ZNF729: variants seen among roughly 807,000 people sequenced by gnomAD.
The protein encoded by ZNF729 is zinc finger protein 729.
A neutral mutation model predicts 12.2 loss-of-function variants in ZNF729; 15 were observed. The observed-to-expected ratio is 1.23, with a 90% CI of 0.82 to 1.89. The LOEUF (loss-of-function observed/expected upper bound fraction) is 1.89. ZNF729 is among the 40% of genes most tolerant of loss of function. ZNF729 has a pLI of 0.00. For synonymous variants in ZNF729, 492 were observed against 476.3 expected, an observed-to-expected ratio of 1.03 and a Z score of -0.43; for missense variants, 1,540 against 1,456.7, an observed-to-expected ratio of 1.06 and a Z score of -0.93.
chr19:22,308,050 T>G (rs1409543215), intron 3 of ZNF729, among the ~76,000 whole-genome samples: 1 of 152,056 alleles, frequency 6.6e-6, no homozygotes, highest in Non-Finnish European at 1.5e-5. Flanking sequence ...CAAAGTCCAC[T>G]GTATCATTCT....
intron 1 of ZNF729, among the ~76,000 whole-genome samples, chr19:22,289,312 A>G (rs547842779): frequency 0.012 from 1,843 of 149,104 alleles, 19 homozygotes; most frequent in Middle Eastern, 0.038. Flanking sequence ...TGCAACCTCC[A>G]TCTCCCAGGT....
intron 1 of ZNF729, among the ~76,000 whole-genome samples, chr19:22,298,688 A>G (rs532129852): frequency 6.6e-6 from 1 of 151,938 alleles, no homozygotes; most frequent in Admixed American, 6.6e-5. Flanking sequence ...TAATTTTTGT[A>G]TTTTTAGTAG....
Position 22,315,824 on chromosome 19 carries a change from A to G in ZNF729, c.2407A>G (p.Lys803Glu). The G allele has an allele frequency of 6.2e-7, 1 of 1,611,092 alleles. No homozygotes were observed. The highest frequency in any genetic ancestry group is 8.5e-7 in the Non-Finnish European group (1 of 1,179,696). The change falls in exon 4 of 4, where the codon AAA becomes GAA. Residue 803 changes from lysine (K) to glutamate (E), a missense_variant. Transcript: ENST00000601693. ...ACCCTACAAGTGTGAAGAATGTGGT[A>G]AAGCTTTTAAGTGGTCCTCAAAGCT... The part of the protein sequence containing the change: ...EKPYKCEECG[K>E]AFKWSSKLTV...
At chr19:22,295,547 C>T (rs1968219734) in intron 1 of ZNF729, among the ~76,000 whole-genome samples, 1 of 152,052 alleles carries the variant, frequency 6.6e-6, no homozygotes, top group Non-Finnish European at 1.5e-5. Flanking sequence ...ACTACAGGCG[C>T]GCACCACTAC....
Position 22,315,593 on chromosome 19 carries a change from A to G in ZNF729, c.2176A>G (p.Lys726Glu), listed in dbSNP as rs1434012730. Reference sequence around the variant, plus strand: ...TGGTAAAGCTTTTAAGTGGTCATCAAAACTTACTGTACATAAGGTAATTCA... The same window carrying G: ...TGGTAAAGCTTTTAAGTGGTCATCAGAACTTACTGTACATAAGGTAATTCA... ...ECGKAFKWSS[K>E]LTVHKVIHTA... The change falls in exon 4 of 4, where the codon AAA becomes GAA. Residue 726 changes from lysine (K) to glutamate (E), a missense_variant. Lys to Glu is a moderately conservative substitution (Grantham distance 56). Transcript: ENST00000601693. 1.2e-6 allele frequency: 2 copies of G among 1,608,908 alleles called. No homozygotes were observed. The highest frequency in any genetic ancestry group is 1.7e-5 in the Admixed American group (1 of 59,860).
At chr19:22,302,824 T>C in intron 1 of ZNF729, among the ~76,000 whole-genome samples, 1 of 127,544 alleles carries the variant, frequency 7.8e-6, no homozygotes, top group Admixed American at 8.0e-5. Flanking sequence ...GAATCCTGCT[T>C]CATTTCTAGA....
chr19:22,316,579 T>G lies in ZNF729; in HGVS notation c.3162T>G (p.Gly1054=), dbSNP rs768366744. Residue 1054 remains glycine, a synonymous_variant, in exon 4 of 4, where the codon GGT becomes GGG. Coordinates refer to ENST00000601693, the MANE Select transcript of ZNF729 (RefSeq NM_001242680.2). ...GEKPYKCEEC[G]KAFKWSSKLT... is the part of the protein sequence containing the mutation. ...AACCCTACAAATGTGAAGAATGTGG[T>G]AAAGCTTTTAAGTGGTCCTCAAAAC... The G allele has an allele frequency of 3.7e-6, 6 of 1,607,066 alleles. No homozygotes were observed. Among genetic ancestry groups the G allele is most frequent in the Admixed American group, 1.7e-5 (1 of 59,480 alleles).
chr19:22,287,487 G>T (rs1268187077), intron 1 of ZNF729, among the ~76,000 whole-genome samples: 2 of 151,904 alleles, frequency 1.3e-5, no homozygotes, highest in Non-Finnish European at 2.9e-5. Context: ...GGCTGGTCTC[G>T]AACTCCCGAC....
chr19:22,293,694 A>T (rs1328408763), intron 1 of ZNF729, among the ~76,000 whole-genome samples: 23 of 136,348 alleles, frequency 1.7e-4, no homozygotes, highest in East Asian at 1.4e-3. Context: ...GGGTTTCATC[A>T]TGTTGGCCAG....
chr19:22,293,378 GT>G (rs968426902), intron 1 of ZNF729, among the ~76,000 whole-genome samples: 8 of 151,768 alleles, frequency 5.3e-5, no homozygotes, highest in African/African-American at 1.9e-4. Context: ...TAGAGACAAG[GT>G]TTAACCTTGT....
In ZNF729 at chr19:22,316,955, A is replaced by G. The variant is rs1163666360; in HGVS notation, c.3538A>G (p.Thr1180Ala). The change falls in exon 4 of 4, where the codon ACA becomes GCA. Residue 1180 changes from threonine (T) to alanine (A), a missense_variant. Physicochemically the swap from Thr to Ala is moderately conservative, Grantham distance 58. Transcript: ENST00000601693. ...NQSSHLTRHK[T>A]IHTGEKPYKC... ...GTCCTCACACCTTACTAGACACAAA[A>G]CAATTCATACTGGAGAGAAACCCTA... The G allele has an allele frequency of 1.2e-6, 2 of 1,611,918 alleles. No individual in the cohort carries two copies. The highest frequency in any genetic ancestry group is 2.2e-5 in the East Asian group (1 of 44,690).
At position 22,313,804 on chromosome 19, in the gene ZNF729, C is replaced by A; in HGVS notation, c.387C>A (p.Ala129=). 6.3e-7 allele frequency: 1 copy of A among 1,596,410 alleles called. No homozygotes were observed. The highest frequency in any genetic ancestry group is 8.5e-7 in the Non-Finnish European group (1 of 1,172,866). The change falls in exon 4 of 4, where the codon GCC becomes GCA. Residue 129 remains alanine, a synonymous_variant. Transcript: ENST00000601693. The part of the protein sequence containing the change: ...NLRLRKDCKS[A]NEGKMHKEGY... ...GATTAAGAAAAGATTGTAAAAGTGC[C>A]AATGAGGGTAAGATGCACAAAGAAG...
chr19:22,305,219 TGAGACAC>T (rs1968363958), intron 3 of ZNF729, among the ~76,000 whole-genome samples: 1 of 152,162 alleles, frequency 6.6e-6, no homozygotes, highest in Non-Finnish European at 1.5e-5. Context: ...CTTCCTGACC[TGAGACAC>T]TCACCAGAAA....
chr19:22,296,208 C>G (rs1441261959), intron 1 of ZNF729, among the ~76,000 whole-genome samples: 1 of 152,138 alleles, frequency 6.6e-6, no homozygotes, highest in South Asian at 2.1e-4. Context: ...GGTTCAGGCC[C>G]TTCGTTTTAC....
chr19:22,314,519 A>G lies in ZNF729; in HGVS notation c.1102A>G (p.Ile368Val). 2 of 1,611,112 alleles carry G rather than the reference A, an allele frequency of 1.2e-6. No individual in the cohort carries two copies. Among genetic ancestry groups the G allele is most frequent in the African/African-American group, 1.3e-5 (1 of 74,962 alleles). The change falls in exon 4 of 4, where the codon ATA becomes GTA. Residue 368 changes from isoleucine (I) to valine (V), a missense_variant. Transcript: ENST00000601693. ...SQSSTLRKHEIIHTGEKPYKC... is the reference protein window; with the variant it reads ...SQSSTLRKHEVIHTGEKPYKC... ...GTCCTCAACCCTTAGAAAACATGAG[A>G]TAATTCATACTGGAGAGAAACCCTA...
chr19:22,313,712 A>T lies in ZNF729; in HGVS notation c.295A>T (p.Ser99Cys). 1 of 1,553,982 alleles carries T rather than the reference A, an allele frequency of 6.4e-7. No individual in the cohort carries two copies. Among genetic ancestry groups the T allele is most frequent in the East Asian group, 2.3e-5 (1 of 44,260 alleles). The change falls in exon 4 of 4, where the codon AGC (serine) becomes TGC (cysteine). Residue 99 changes from serine to cysteine, a missense_variant. Transcript: ENST00000601693. The part of the protein sequence containing the change: ...HFTQDLWPDQ[S>C]TKDSFQEVIL... ...TACACAAGACCTTTGGCCAGATCAGAGCACAAAAGATTCTTTCCAAGAAGT... is the reference window on the plus strand; with the variant it reads ...TACACAAGACCTTTGGCCAGATCAGTGCACAAAAGATTCTTTCCAAGAAGT...
chr19:22,295,411 A>G (rs1011866486), intron 1 of ZNF729, among the ~76,000 whole-genome samples: 4 of 137,972 alleles, frequency 2.9e-5, no homozygotes, highest in Non-Finnish European at 4.6e-5. Flanking sequence ...TTTTTTTGAG[A>G]CAGAGTCGCT....
chr19:22,288,133 CG>C (rs1968105255), intron 1 of ZNF729, among the ~76,000 whole-genome samples: 1 of 152,026 alleles, frequency 6.6e-6, no homozygotes, highest in African/African-American at 2.4e-5. Flanking sequence ...CGTGAGTCAC[CG>C]TGCCCAGCCT....
intron 1 of ZNF729, 89 bp downstream of exon 1, chr19:22,286,644 G>A: frequency 6.6e-7 from 1 of 1,516,784 alleles, no homozygotes; most frequent in Non-Finnish European, 9.2e-7. Context: ...CGGCCTCCCC[G>A]CAGTCAGCTC....
Sources: allele counts gnomAD v4.1 joint callset (sites outside exome capture counted in the v4.1 genomes callset), GRCh38; gene constraint gnomAD v4.1.1; transcripts MANE v1.5; gene names NCBI Gene and HGNC (gene_info 2026-07-23, HGNC 2026-07-21).